Variants in PYGL observed in about 807,000 individuals in gnomAD.
PYGL encodes glycogen phosphorylase, liver form.
PYGL carries 90 observed loss-of-function variants against 100.1 expected under a neutral mutation model. That is an observed-to-expected ratio of 0.90 (90% CI 0.76 to 1.07). The LOEUF (loss-of-function observed/expected upper bound fraction) is 1.07. PYGL is among the 50% of genes least tolerant of loss of function. PYGL has a pLI of 0.00. For missense variants in PYGL, 1,016 were observed against 1,057.6 expected (o/e 0.96, Z 0.55); for synonymous variants, 373 against 393.0 (o/e 0.95, Z 0.60).
rs775100584 is a variant in PYGL at position 50,926,361 on chromosome 14, G to GTAAAA, written c.529-2266_529-2262dup. Among the ~76,000 whole-genome samples, 262 of 151,404 alleles carry GTAAAA rather than the reference G, an allele frequency of 1.7e-3. 2 individuals are homozygous for GTAAAA. Among genetic ancestry groups the GTAAAA allele is most frequent in the Non-Finnish European group, 3.2e-3 (220 of 67,814 alleles). On this transcript the variant is annotated intron_variant, in intron 4 of 19. Coordinates refer to ENST00000216392, the MANE Select transcript of PYGL (RefSeq NM_002863.5). ...GTGAGACTCCATCTCAAAAAATAAA[G>GTAAAA]TAAAATAAAATAAAATAAAATTTTA...
chr14:50,937,618 T>C, intron 2 of PYGL, 118 bp downstream of exon 2: 4 of 967,254 alleles, frequency 4.1e-6, no homozygotes, highest in Non-Finnish European at 5.0e-6. Context: ...TAGCCACATC[T>C]ATAGAGGCGA....
chr14:50,920,821 A>G, intron 6 of PYGL, 135 bp downstream of exon 6: 5 of 1,034,476 alleles, frequency 4.8e-6, no homozygotes, highest in Admixed American at 2.0e-5. Flanking sequence ...CCTCCATACA[A>G]TGCCTGCTTA....
intron 7 of PYGL, among the ~76,000 whole-genome samples, chr14:50,919,027 T>C (rs1471508570): frequency 6.6e-6 from 1 of 151,266 alleles, no homozygotes; most frequent in African/African-American, 2.4e-5. Flanking sequence ...TTCAGCTTAC[T>C]CTTAAAAACA....
At chr14:50,942,853 AAAC>A (rs2050713265) in intron 1 of PYGL, among the ~76,000 whole-genome samples, 1 of 152,032 alleles carries the variant, frequency 6.6e-6, no homozygotes, top group Admixed American at 6.6e-5. Context: ...AAACAAAACA[AAAC>A]AACAAAACAG....
intron 19 of PYGL, among the ~76,000 whole-genome samples, chr14:50,907,165 G>A (rs2050344028): frequency 6.6e-6 from 1 of 152,176 alleles, no homozygotes; most frequent in African/African-American, 2.4e-5. Flanking sequence ...TTTGCATGCA[G>A]AGGCTTATTC....
intron 1 of PYGL, among the ~76,000 whole-genome samples, chr14:50,942,303 C>A (rs1189871785): frequency 1.4e-5 from 2 of 139,842 alleles, no homozygotes; most frequent in Non-Finnish European, 3.2e-5. Flanking sequence ...AGTGAAGAAA[C>A]TGGCCGGAGA....
In PYGL at chr14:50,911,983, C is replaced by T. The variant is rs751175089; in HGVS notation, c.1822G>A (p.Gly608Ser). The change falls in exon 15 of 20, where the codon GGT (glycine) becomes AGT (serine). Residue 608 changes from glycine (G) to serine (S), a missense_variant. Transcript: ENST00000216392. ...LFVPRTVIIG[G>S]KAAPGYHMAK... is the part of the protein sequence containing the mutation. ...ATTGAATAGATTCAACTTACTTTAC[C>T]ACCAATGATAACTGTCCTTGGCACG... is the stretch of plus-strand genomic sequence containing the variant. 66 of 1,613,584 alleles carry T rather than the reference C, an allele frequency of 4.1e-5. No individual in the cohort carries two copies. Among genetic ancestry groups the T allele is most frequent in the Non-Finnish European group, 5.4e-5 (64 of 1,179,646 alleles).
rs2050704833 is a variant in PYGL at position 50,941,852 on chromosome 14, T to C, written c.243+2309A>G. On this transcript the variant is annotated intron_variant, in intron 1 of 19. Transcript: ENST00000216392. ...GAGATTGCATCATTGCACTCCAACA[T>C]GGGTGACAGAGTGAGACTCTGTCAC... 2.0e-5 allele frequency among the ~76,000 whole-genome samples: 3 copies of C among 152,062 alleles called. No homozygotes were observed. The South Asian group carries it at 6.2e-4, about 32-fold the overall frequency.
In PYGL at chr14:50,911,971, A is replaced by G; in HGVS notation, c.1827+7T>C. The G allele has an allele frequency of 6.2e-7, 1 of 1,613,544 alleles. No homozygotes were observed. Among genetic ancestry groups the G allele is most frequent in the South Asian group, 1.1e-5 (1 of 91,074 alleles). ...CCTCAAGTCCCCATTGAATAGATTCAACTTACTTTACCACCAATGATAACT... is the reference window on the plus strand; with the variant it reads ...CCTCAAGTCCCCATTGAATAGATTCGACTTACTTTACCACCAATGATAACT... On this transcript the variant is annotated splice_region_variant and intron_variant, in intron 15 of 19. Coordinates refer to ENST00000216392, the MANE Select transcript of PYGL (RefSeq NM_002863.5).
At chr14:50,916,503 G>A (rs1384881208) in intron 9 of PYGL, 139 bp downstream of exon 9, 10 of 786,562 alleles carry the variant, frequency 1.3e-5, no homozygotes, top group Middle Eastern at 3.1e-4. Context: ...AAATGTCAGC[G>A]TCAGGGAAAA....
In PYGL at chr14:50,915,945, G is replaced by T. The variant is rs151022264; in HGVS notation, c.1119C>A (p.Phe373Leu). Residue 373 changes from phenylalanine to leucine, a missense_variant, in exon 10 of 20, where the codon TTC becomes TTA. Transcript: ENST00000216392. The stretch of plus-strand genomic sequence containing the variant: ...GGAGCACTGTGTGGTTGGTGTAGGC[G>T]AAGGTCTTCTGGGTGAGCTCCCATG... ...SKAWELTQKT[F>L]AYTNHTVLPE... is the part of the protein sequence containing the mutation. 1.2e-6 allele frequency: 2 copies of T among 1,614,182 alleles called. No homozygotes were observed. Among genetic ancestry groups the T allele is most frequent in the African/African-American group, 1.3e-5 (1 of 75,048 alleles).
At chr14:50,919,284 A>G (rs1189022091) in intron 7 of PYGL, among the ~76,000 whole-genome samples, 1 of 152,236 alleles carries the variant, frequency 6.6e-6, no homozygotes, top group African/African-American at 2.4e-5. Flanking sequence ...CCTGACATAG[A>G]ATAACTTTTT....
intron 1 of PYGL, among the ~76,000 whole-genome samples, chr14:50,938,962 C>T (rs2050679617): frequency 6.6e-6 from 1 of 152,156 alleles, no homozygotes. Context: ...CTCCCACACA[C>T]CGCATGGGTA....
intron 4 of PYGL, among the ~76,000 whole-genome samples, chr14:50,927,469 C>T (rs2050561512): frequency 6.6e-6 from 1 of 152,180 alleles, no homozygotes; most frequent in Non-Finnish European, 1.5e-5. Context: ...AAGTGATCTG[C>T]CTGCCTCGGC....
intron 1 of PYGL, among the ~76,000 whole-genome samples, chr14:50,938,181 G>C (rs991908837): frequency 1.2e-4 from 18 of 152,080 alleles, no homozygotes; most frequent in African/African-American, 4.1e-4. Context: ...AATTAGCATG[G>C]ACTTAAGATA....
chr14:50,940,415 G>A (rs1433313238), intron 1 of PYGL, among the ~76,000 whole-genome samples: 2 of 152,090 alleles, frequency 1.3e-5, no homozygotes, highest in Non-Finnish European at 2.9e-5. Flanking sequence ...ACATTAGCAC[G>A]AACTTAAGTC....
chr14:50,915,927 T>C lies in PYGL; in HGVS notation c.1137A>G (p.Thr379=), dbSNP rs767105247. The change falls in exon 10 of 20, where the codon ACA becomes ACG. Residue 379 remains threonine (T), a synonymous_variant. Transcript: ENST00000216392. ...AGCGCTCCAGGGCTTCCGGGAGCAC[T>C]GTGTGGTTGGTGTAGGCGAAGGTCT... ...TQKTFAYTNH[T]VLPEALERWP... 64 of 1,614,106 alleles carry C rather than the reference T, an allele frequency of 4.0e-5. No individual in the cohort carries two copies. Among genetic ancestry groups the C allele is most frequent in the Middle Eastern group, 1.6e-4 (1 of 6,084 alleles).
chr14:50,912,638 G>A lies in PYGL; in HGVS notation c.1621-335C>T, dbSNP rs1321810373. 2.6e-5 allele frequency among the ~76,000 whole-genome samples: 4 copies of A among 152,092 alleles called. No individual in the cohort carries two copies. In the East Asian group the frequency reaches 5.8e-4, roughly 22 times the overall value. ...ATTACAGGGATGAGCCACCGCGCCC[G>A]GCTGGGTGGTCTGTTTTTAAAAACT... On this transcript the variant is annotated intron_variant, in intron 13 of 19. Transcript: ENST00000216392.
At chr14:50,938,278 T>C (rs763410963) in intron 1 of PYGL, among the ~76,000 whole-genome samples, 1 of 152,224 alleles carries the variant, frequency 6.6e-6, no homozygotes, top group Non-Finnish European at 1.5e-5. Flanking sequence ...TGGTCCAATA[T>C]CAGCTCACTG....
Sources: allele counts gnomAD v4.1 joint callset (sites outside exome capture counted in the v4.1 genomes callset), GRCh38; gene constraint gnomAD v4.1.1; transcripts MANE v1.5; gene names NCBI Gene and HGNC (gene_info 2026-07-23, HGNC 2026-07-21).